TRPA1: variants seen among roughly 807,000 people sequenced by gnomAD.
TRPA1 encodes the protein ankyrin-like with transmembrane domains 1.
TRPA1 carries 129 observed loss-of-function variants against 131.3 expected under a neutral mutation model. That is an observed-to-expected ratio of 0.98 (90% CI 0.85 to 1.14). The LOEUF (loss-of-function observed/expected upper bound fraction) is 1.14, where lower values mean the gene tolerates loss of function less well. Among genes scored for constraint, TRPA1 ranks in the 50% most tolerant of loss-of-function variants. The probability of loss-of-function intolerance (pLI) is 0.00; values close to 1 mark genes in which losing one functional copy is unlikely to be tolerated. For missense variants in TRPA1, 1,304 were observed against 1,354.2 expected, an observed-to-expected ratio of 0.96 and a Z score of 0.58; for synonymous variants, 441 against 451.7, an observed-to-expected ratio of 0.98 and a Z score of 0.30.
chr8:72,024,562 C>T (rs748809139), intron 25 of TRPA1, among the ~76,000 whole-genome samples: 1 of 152,066 alleles, frequency 6.6e-6, no homozygotes, highest in South Asian at 2.1e-4. Context: ...ATTGCACAGG[C>T]TAATGAATTG....
intron 17 of TRPA1, among the ~76,000 whole-genome samples, chr8:72,041,858 G>C (rs1812262720): frequency 6.6e-6 from 1 of 151,434 alleles, no homozygotes; most frequent in African/African-American, 2.4e-5. Context: ...AAATAATAAT[G>C]ATTAGAGCAG....
At chr8:72,025,249 G>A (rs995042586) in intron 25 of TRPA1, among the ~76,000 whole-genome samples, 1 of 151,826 alleles carries the variant, frequency 6.6e-6, no homozygotes, top group African/African-American at 2.4e-5. Context: ...TCATAGGGGC[G>A]GTTTCCCCCA....
chr8:72,052,994 T>TGTGTGTGTGTGTGTGTGAGAGAGAGAGA (rs1491537785), intron 13 of TRPA1: 1 of 330,298 alleles, frequency 3.0e-6, no homozygotes, highest in Admixed American at 4.9e-5. Context: ...TGTGTGTGTG[T>TGTGTGTGTGTGTGTGTGAGAGAGAGAGA]GAGAGATAGA....
chr8:72,067,479 A>T (rs1274568612), intron 3 of TRPA1, among the ~76,000 whole-genome samples: 1 of 152,138 alleles, frequency 6.6e-6, no homozygotes, highest in African/African-American at 2.4e-5. Context: ...TTTATGAATC[A>T]GTTGGGAGCT....
At position 72,047,198 on chromosome 8, in the gene TRPA1, C is replaced by T. The variant is rs1465233747; in HGVS notation, c.1915G>A (p.Asp639Asn). ...TCTGTGGAATGCAACATGCAGAAAT[C>T]TAAAAGTACCTTTGAAAGAGAAAAA... is the stretch of plus-strand genomic sequence containing the variant. Reference protein sequence around the residue: ...YLPECMKVLLDFCMLHSTEDK... With the variant: ...YLPECMKVLLNFCMLHSTEDK... The change falls in exon 16 of 27, where the codon GAT becomes AAT. Residue 639 changes from aspartate (D) to asparagine (N), a missense_variant. By Grantham distance (23) the Asp-to-Asn change is conservative. Transcript: ENST00000262209. 6.2e-7 allele frequency: 1 copy of T among 1,611,060 alleles called. No individual in the cohort carries two copies. Among genetic ancestry groups the T allele is most frequent in the East Asian group, 2.2e-5 (1 of 44,690 alleles).
intron 20 of TRPA1, among the ~76,000 whole-genome samples, 184 bp from the exon 21 acceptor site, chr8:72,036,641 T>C (rs1355570691): frequency 8.5e-5 from 13 of 152,144 alleles, no homozygotes; most frequent in African/African-American, 3.1e-4. Context: ...TGAATCGGTG[T>C]TGGAGATGGC....
rs763092087 is a variant in TRPA1, at chr8:72,022,909, A to G, written c.3357T>C (p.Pro1119=). ...GCCTCACTGAAGGTCTGAGGAGCTA[A>G]GGCTCAAGATGGTGTGTTTTTGCCT... ...AVKAKTHHLE[P] The change falls in exon 27 of 27, where the codon CCT becomes CCC. Residue 1119 remains proline (P), a synonymous_variant. Coordinates refer to ENST00000262209, the MANE Select transcript of TRPA1 (RefSeq NM_007332.3). 6.8e-6 allele frequency: 11 copies of G among 1,613,604 alleles called. No homozygotes were observed. The South Asian group carries it at 9.9e-5, about 14-fold the overall frequency.
At chr8:72,063,214 T>C (rs544813412) in intron 5 of TRPA1, among the ~76,000 whole-genome samples, 1 of 152,064 alleles carries the variant, frequency 6.6e-6, no homozygotes, top group Admixed American at 6.6e-5. Flanking sequence ...ACCCCATCCC[T>C]ACTAAAAATA....
intron 23 of TRPA1, among the ~76,000 whole-genome samples, chr8:72,030,801 TA>T (rs144190490): frequency 0.085 from 12,935 of 152,250 alleles, 627 homozygotes; most frequent in Middle Eastern, 0.12. Flanking sequence ...ACATATACTA[TA>T]GGGGCAGGAG....
intron 18 of TRPA1, among the ~76,000 whole-genome samples, chr8:72,039,512 A>G (rs1812173984): frequency 6.6e-6 from 1 of 152,002 alleles, no homozygotes; most frequent in Non-Finnish European, 1.5e-5. Context: ...ATTTTTTTTA[A>G]CCTTAACTTC....
Position 72,046,364 on chromosome 8 carries a change from A to G in TRPA1, c.2061+149T>C, listed in dbSNP as rs909467258. 1.9e-5 allele frequency: 9 copies of G among 482,916 alleles called. No homozygotes were observed. The South Asian group carries it at 2.9e-4, about 16-fold the overall frequency. The allele number at this position is 482,916 out of a possible 1,614,324, so 29.9% of individuals were successfully genotyped here. ...ACATTTTAGAACCCAACTAGAAACT[A>G]TTTAGATAATGAGATGGCTGGGTCA... On this transcript the variant is annotated intron_variant, in intron 17 of 26. Coordinates refer to ENST00000262209, the MANE Select transcript of TRPA1 (RefSeq NM_007332.3).
Position 72,071,767 on chromosome 8 carries a change from G to A in TRPA1, c.212C>T (p.Ala71Val), listed in dbSNP as rs1806067139. The change falls in exon 2 of 27, where the codon GCA becomes GTA. Residue 71 changes from alanine (A) to valine (V), a missense_variant. Coordinates refer to ENST00000262209, the MANE Select transcript of TRPA1 (RefSeq NM_007332.3). ...CATTAGCTCAATTTGGCCTTCTGCTGCAGCATAATGCAAGAAGAAGGTGTC... is the reference window on the plus strand; with the variant it reads ...CATTAGCTCAATTTGGCCTTCTGCTACAGCATAATGCAAGAAGAAGGTGTC... ...DMDTFFLHYA[A>V]AEGQIELMEK... 6.2e-7 allele frequency: 1 copy of A among 1,613,620 alleles called. No homozygotes were observed. The highest frequency in any genetic ancestry group is 8.5e-7 in the Non-Finnish European group (1 of 1,179,804).
chr8:72,033,951 T>C (rs1357553241), intron 22 of TRPA1, 125 bp from the exon 23 acceptor site: 1 of 889,962 alleles, frequency 1.1e-6, no homozygotes, highest in Non-Finnish European at 1.8e-6. Context: ...ATATAGCTGT[T>C]GAAATGCAGT....
chr8:72,060,024 C>T (rs753338697), intron 7 of TRPA1, among the ~76,000 whole-genome samples: 15 of 152,054 alleles, frequency 9.9e-5, no homozygotes, highest in African/African-American at 2.7e-4. Context: ...TGTTTCCTAT[C>T]GCAAATCTCA....
At position 72,053,007 on chromosome 8, in the gene TRPA1, AAGAGAGAGAGAG is replaced by A. The variant is rs57169742; in HGVS notation, c.1645-254_1645-243del. ...TGTGTGTGTGTGTGAGAGATAGAGA[AAGAGAGAGAGAG>A]AGAGAGAGAGAGAGAGAGAGAGAGA... On this transcript the variant is annotated intron_variant, in intron 13 of 26. Coordinates refer to ENST00000262209, the MANE Select transcript of TRPA1 (RefSeq NM_007332.3). 555 of 231,946 alleles carry A rather than the reference AAGAGAGAGAGAG, an allele frequency of 2.4e-3. 4 individuals are homozygous for A. Among genetic ancestry groups the A allele is most frequent in the African/African-American group, 7.5e-3 (271 of 35,902 alleles). The allele number at this position is 231,946 out of a possible 1,614,324, so 14.4% of individuals were successfully genotyped here. A position where few individuals can be genotyped will look rare whatever the true frequency, so the allele number is the denominator to read the frequency against.
chr8:72,069,962 G>T (rs1416262908), intron 2 of TRPA1, among the ~76,000 whole-genome samples: 1 of 152,116 alleles, frequency 6.6e-6, no homozygotes, highest in Non-Finnish European at 1.5e-5. Flanking sequence ...ATAAACCACA[G>T]GACTAGAATT....
rs765482312 is a variant in TRPA1, at chr8:72,075,296, TA to T, written c.111+2del. 4.1e-5 allele frequency: 66 copies of T among 1,611,048 alleles called. No individual in the cohort carries two copies. Among genetic ancestry groups the T allele is most frequent in the Non-Finnish European group, 5.3e-5 (62 of 1,178,346 alleles). On this transcript the variant is annotated splice_donor_variant, in intron 1 of 26. Transcript: ENST00000262209. LOFTEE classifies it high-confidence loss of function. The stretch of plus-strand genomic sequence containing the variant: ...CCTCCAGACCCGCGAGCCCCCAGAG[TA>T]CCTTAAGCGATTCCTTGAAATCCTC...
chr8:72,034,834 T>C (rs575157836), intron 21 of TRPA1, among the ~76,000 whole-genome samples: 52 of 152,356 alleles, frequency 3.4e-4, no homozygotes, highest in African/African-American at 1.2e-3. Flanking sequence ...TGAGTCACTG[T>C]GCCCGGCCCT....
At chr8:72,047,109 CAA>C (rs1380393477) in intron 16 of TRPA1, 37 bp downstream of exon 16, 1 of 1,446,250 alleles carries the variant, frequency 6.9e-7, no homozygotes, top group Non-Finnish European at 9.7e-7. Context: ...AGAATTATAA[CAA>C]AATAAATTTC....
Sources: allele counts gnomAD v4.1 joint callset (sites outside exome capture counted in the v4.1 genomes callset), GRCh38; gene constraint gnomAD v4.1.1; transcripts MANE v1.5; gene names NCBI Gene and HGNC (gene_info 2026-07-23, HGNC 2026-07-21).